TNFSF4: variants seen among roughly 807,000 people sequenced by gnomAD.
TNFSF4 encodes the protein TNF superfamily member 4.
In TNFSF4, 4 loss-of-function variants were observed where a neutral mutation model predicts 7.3. The observed-to-expected ratio is 0.55, with a 90% CI of 0.27 to 1.25. TNFSF4 has a LOEUF of 1.25. Ranked by LOEUF, TNFSF4 falls within the 50% of genes most tolerant of loss-of-function variation. The pLI, the probability that TNFSF4 is intolerant of heterozygous loss-of-function variation, is 0.12. For missense variants in TNFSF4, 181 were observed against 208.8 expected, an observed-to-expected ratio of 0.87 and a Z score of 0.82; for synonymous variants, 76 against 83.7, an observed-to-expected ratio of 0.91 and a Z score of 0.50.
At chr1:173,182,751 CATTG>C (rs1387276460), downstream of TNFSF4, among the ~76,000 whole-genome samples, 3 of 152,148 alleles carry the variant, frequency 2.0e-5, no homozygotes, top group African/African-American at 7.2e-5. Context: ...GATGTGGGAG[CATTG>C]ATTGAAGGCA....
chr1:173,450,458 G>A, the TNFSF4 span, among the ~76,000 whole-genome samples: 28,247 of 151,710 alleles, frequency 0.19, 2,707 homozygotes, highest in East Asian at 0.31. Context: ...TAAAACCAAA[G>A]ACATTACAAT....
At chr1:173,370,181 C>G in the TNFSF4 span, among the ~76,000 whole-genome samples, 1 of 152,190 alleles carries the variant, frequency 6.6e-6, no homozygotes, top group Non-Finnish European at 1.5e-5. Flanking sequence ...AGATGTCCTA[C>G]AGGGTCTAGG....
chr1:173,206,986 G>C, intron 1 of TNFSF4, 38 bp downstream of exon 1: 3 of 1,565,924 alleles, frequency 1.9e-6, no homozygotes, highest in Non-Finnish European at 2.6e-6. Flanking sequence ...CCATCAGCAT[G>C]AGCTGGTGGG....
chr1:173,381,678 T>C, the TNFSF4 span, among the ~76,000 whole-genome samples: 1 of 152,182 alleles, frequency 6.6e-6, no homozygotes, highest in African/African-American at 2.4e-5. Context: ...TCTTCACCCC[T>C]ATCCAGCAGG....
the TNFSF4 span, among the ~76,000 whole-genome samples, chr1:173,424,006 AG>A: frequency 1.5e-3 from 224 of 152,262 alleles, 1 homozygote; most frequent in African/African-American, 5.2e-3. Context: ...AAGGGCAAAA[AG>A]GGGGGTGAAT....
At chr1:173,193,759 T>C (rs941961416) in intron 1 of TNFSF4, among the ~76,000 whole-genome samples, 1 of 92,020 alleles carries the variant, frequency 1.1e-5, no homozygotes, top group African/African-American at 5.0e-5. Context: ...AGGGCTCCCA[T>C]AAGTGAAGCA....
the TNFSF4 span, among the ~76,000 whole-genome samples, chr1:173,374,613 G>C: frequency 6.6e-6 from 1 of 152,118 alleles, no homozygotes; most frequent in Non-Finnish European, 1.5e-5. Context: ...TGATTCTGAG[G>C]AAAAACCCCT....
chr1:173,361,045 G>A, the TNFSF4 span, among the ~76,000 whole-genome samples: 1 of 152,210 alleles, frequency 6.6e-6, no homozygotes, highest in East Asian at 1.9e-4. Flanking sequence ...ATGTGTACTA[G>A]AACTCATCTT....
At chr1:173,227,182 A>C in the TNFSF4 span, among the ~76,000 whole-genome samples, 2 of 151,604 alleles carry the variant, frequency 1.3e-5, no homozygotes, top group African/African-American at 4.9e-5. Flanking sequence ...TCTCTCAAAC[A>C]CTATAAAGAC....
the TNFSF4 span, among the ~76,000 whole-genome samples, chr1:173,395,419 TGGAG>T: frequency 8.6e-6 from 1 of 116,854 alleles, no homozygotes; most frequent in African/African-American, 3.2e-5. Flanking sequence ...TATATATATA[TGGAG>T]AGAGAGAGAG....
chr1:173,425,953 G>A, the TNFSF4 span, among the ~76,000 whole-genome samples: 1 of 152,242 alleles, frequency 6.6e-6, no homozygotes, highest in African/African-American at 2.4e-5. Context: ...CCCTGTTGAG[G>A]TTTGAGTCTT....
At chr1:173,246,011 A>G in the TNFSF4 span, among the ~76,000 whole-genome samples, 1 of 152,180 alleles carries the variant, frequency 6.6e-6, no homozygotes, top group African/African-American at 2.4e-5. Flanking sequence ...GGTTGATTTC[A>G]TATCTTGGCT....
chr1:173,326,146 C>T, the TNFSF4 span, among the ~76,000 whole-genome samples: 1 of 152,170 alleles, frequency 6.6e-6, no homozygotes, highest in Non-Finnish European at 1.5e-5. Context: ...AATCCAGCAG[C>T]ACATCAAAAA....
At chr1:173,334,702 C>A in the TNFSF4 span, among the ~76,000 whole-genome samples, 1 of 152,134 alleles carries the variant, frequency 6.6e-6, no homozygotes, top group Admixed American at 6.6e-5. Flanking sequence ...ACTGATGAGT[C>A]TTCTTTGCCG....
At chr1:173,442,253 A>G in the TNFSF4 span, among the ~76,000 whole-genome samples, 2 of 152,136 alleles carry the variant, frequency 1.3e-5, no homozygotes, top group African/African-American at 4.8e-5. Context: ...GTTCTATAGT[A>G]TAGTATTCCC....
the TNFSF4 span, among the ~76,000 whole-genome samples, chr1:173,331,588 T>A: frequency 6.6e-6 from 1 of 152,224 alleles, no homozygotes; most frequent in Admixed American, 6.5e-5. Flanking sequence ...TGTCCCTTCA[T>A]CAAAACTTTT....
the TNFSF4 span, among the ~76,000 whole-genome samples, chr1:173,351,061 A>G: frequency 6.6e-6 from 1 of 152,196 alleles, no homozygotes; most frequent in African/African-American, 2.4e-5. Flanking sequence ...AATACTAATA[A>G]TAAGTCCAAA....
chr1:173,345,070 T>C, the TNFSF4 span, among the ~76,000 whole-genome samples: 1 of 152,200 alleles, frequency 6.6e-6, no homozygotes, highest in African/African-American at 2.4e-5. Flanking sequence ...GAAGTAAACA[T>C]ACTATTTGAA....
chr1:173,266,315 G>T, the TNFSF4 span, among the ~76,000 whole-genome samples: 1 of 152,064 alleles, frequency 6.6e-6, no homozygotes, highest in African/African-American at 2.4e-5. Context: ...TGCAAGAAGG[G>T]TATGCATATA....
Sources: allele counts gnomAD v4.1 joint callset (sites outside exome capture counted in the v4.1 genomes callset), GRCh38; gene constraint gnomAD v4.1.1; transcripts MANE v1.5; gene names NCBI Gene and HGNC (gene_info 2026-07-23, HGNC 2026-07-21).